Variants in CDCA7L observed in about 807,000 individuals in gnomAD.
The protein encoded by CDCA7L is cell division cycle associated 7 like, also known as cell division cycle-associated 7-like protein.
In CDCA7L, 44 loss-of-function variants were observed where a neutral mutation model predicts 57.4. That is an observed-to-expected ratio of 0.77 (90% CI 0.60 to 0.98). CDCA7L has a LOEUF of 0.98. CDCA7L is among the 50% of genes least tolerant of loss of function. The probability of loss-of-function intolerance (pLI) is 0.00; values close to 1 mark genes in which losing one functional copy is unlikely to be tolerated. For missense variants in CDCA7L, 644 were observed against 580.6 expected, an observed-to-expected ratio of 1.11 and a Z score of -1.12; for synonymous variants, 236 against 202.8, an observed-to-expected ratio of 1.16 and a Z score of -1.39.
intron 1 of CDCA7L, among the ~76,000 whole-genome samples, chr7:21,917,448 T>G (rs1785520109): frequency 6.6e-6 from 1 of 152,198 alleles, no homozygotes; most frequent in Non-Finnish European, 1.5e-5. Context: ...CAAATGCTAT[T>G]AGGGGATAAT....
intron 3 of CDCA7L, among the ~76,000 whole-genome samples, chr7:21,908,973 G>C (rs1269484580): frequency 6.6e-6 from 1 of 152,202 alleles, no homozygotes; most frequent in Non-Finnish European, 1.5e-5. Flanking sequence ...GGGCGGGAGA[G>C]CTGACTGCAC....
chr7:21,928,757 A>G (rs1785903759), intron 1 of CDCA7L, among the ~76,000 whole-genome samples: 1 of 151,986 alleles, frequency 6.6e-6, no homozygotes, highest in Non-Finnish European at 1.5e-5. Flanking sequence ...TTAGAGAAAA[A>G]AAGAGTGAAA....
Position 21,901,632 on chromosome 7 carries a change from A to G in CDCA7L, c.*690T>C, listed in dbSNP as rs564479595. The G allele has an allele frequency of 6.2e-6, 1 of 160,558 alleles. No individual in the cohort carries two copies. The highest frequency in any genetic ancestry group is 2.4e-5 in the African/African-American group (1 of 41,684). The allele number at this position is 160,558 out of a possible 1,614,324, so 9.9% of individuals were successfully genotyped here. A position where few individuals can be genotyped will look rare whatever the true frequency, so the allele number is the denominator to read the frequency against. On this transcript the variant is annotated 3_prime_UTR_variant, in exon 10 of 10. Coordinates refer to ENST00000406877, the MANE Select transcript of CDCA7L (RefSeq NM_018719.5). The stretch of plus-strand genomic sequence containing the variant: ...GAACATGCAAAAGCAATGCAGCCGG[A>G]AAGAACGGAGATTTTAATTTTTAAC...
chr7:21,908,629 CATATT>C, intron 3 of CDCA7L, 122 bp from the exon 4 acceptor site: 1 of 1,077,530 alleles, frequency 9.3e-7, no homozygotes, highest in South Asian at 2.1e-5. Context: ...GCTTCCCCTT[CATATT>C]ATGAGTTCCC....
intron 9 of CDCA7L, 100 bp downstream of exon 9, chr7:21,902,870 ATAAGTAAG>A: frequency 2.0e-6 from 2 of 1,003,228 alleles, no homozygotes; most frequent in Non-Finnish European, 3.0e-6. Context: ...CGTGGTTTAT[ATAAGTAAG>A]TAAGTCACAC....
At chr7:21,915,113 T>TA (rs1785438809) in intron 2 of CDCA7L, among the ~76,000 whole-genome samples, 1 of 151,960 alleles carries the variant, frequency 6.6e-6, no homozygotes, top group Non-Finnish European at 1.5e-5. Flanking sequence ...GGGTAAGAGC[T>TA]ACGAGGGCTA....
At chr7:21,920,400 A>G (rs1419461652) in intron 1 of CDCA7L, among the ~76,000 whole-genome samples, 1 of 152,140 alleles carries the variant, frequency 6.6e-6, no homozygotes, top group Non-Finnish European at 1.5e-5. Flanking sequence ...GTAATCCTTA[A>G]TCTATTTACT....
At chr7:21,934,455 A>C (rs1212487608) in intron 1 of CDCA7L, among the ~76,000 whole-genome samples, 1 of 152,202 alleles carries the variant, frequency 6.6e-6, no homozygotes, top group Non-Finnish European at 1.5e-5. Flanking sequence ...AAATGTGCCA[A>C]TACTAAGCAA....
chr7:21,904,738 A>G (rs1785083978), intron 7 of CDCA7L, among the ~76,000 whole-genome samples: 1 of 152,172 alleles, frequency 6.6e-6, no homozygotes, highest in South Asian at 2.1e-4. Flanking sequence ...CTGGTGCCAA[A>G]AAGGTTGGGG....
At chr7:21,916,591 C>T (rs1269196353) in intron 2 of CDCA7L, among the ~76,000 whole-genome samples, 163 bp downstream of exon 2, 1 of 150,820 alleles carries the variant, frequency 6.6e-6, no homozygotes, top group South Asian at 2.1e-4. Flanking sequence ...GGTTCTCTCA[C>T]CAGTTTTTTA....
rs1784900418 is a variant in CDCA7L at position 21,902,017 on chromosome 7, A to ACTTACTTACCTGAACTTT, written c.*287_*304dup. On this transcript the variant is annotated 3_prime_UTR_variant, in exon 10 of 10. Coordinates refer to ENST00000406877, the MANE Select transcript of CDCA7L (RefSeq NM_018719.5). Reference sequence around the variant, plus strand: ...CTGATCATACAATGTTTTCTCTCTAACTTACTTACCTGAACTTTAACCCCA... The same window carrying ACTTACTTACCTGAACTTT: ...CTGATCATACAATGTTTTCTCTCTAACTTACTTACCTGAACTTTCTTACTTACCTGAACTTTAACCCCA... The ACTTACTTACCTGAACTTT allele has an allele frequency of 1.0e-5, 4 of 385,022 alleles. No homozygotes were observed. Among genetic ancestry groups the ACTTACTTACCTGAACTTT allele is most frequent in the Non-Finnish European group, 9.6e-6 (2 of 208,736 alleles). The allele number at this position is 385,022 out of a possible 1,614,324, so 23.9% of individuals were successfully genotyped here.
chr7:21,916,611 G>T, intron 2 of CDCA7L, 143 bp downstream of exon 2: 1 of 702,444 alleles, frequency 1.4e-6, no homozygotes, highest in Admixed American at 2.5e-5. Flanking sequence ...AAAACAGGAA[G>T]ACACAGACAT....
At position 21,904,263 on chromosome 7, in the gene CDCA7L, CA is replaced by C. The variant is rs757113253; in HGVS notation, c.1048-5del. ...GACACTGATGGCACGTGTTACCCTA[CA>C]GGGGGAAGGCAGTGAGCAGGTGAAC... On this transcript the variant is annotated splice_polypyrimidine_tract_variant and splice_region_variant and intron_variant, in intron 7 of 9. Coordinates refer to ENST00000406877, the MANE Select transcript of CDCA7L (RefSeq NM_018719.5). 3.1e-6 allele frequency: 5 copies of C among 1,596,396 alleles called. No homozygotes were observed. In the East Asian group the frequency reaches 6.7e-5, roughly 21 times the overall value.
intron 1 of CDCA7L, among the ~76,000 whole-genome samples, chr7:21,929,142 G>T (rs998599682): frequency 1.3e-5 from 2 of 152,126 alleles, no homozygotes; most frequent in Non-Finnish European, 2.9e-5. Flanking sequence ...AGAGGGTGGG[G>T]TCAATATTCA....
chr7:21,911,006 A>ATTTTTTTTTTTTTTT (rs557286550), intron 3 of CDCA7L, among the ~76,000 whole-genome samples: 1 of 82,534 alleles, frequency 1.2e-5, no homozygotes, highest in African/African-American at 5.9e-5. Flanking sequence ...TCTTGAGATA[A>ATTTTTTTTTTTTTTT]TTTTTTTTTT....
intron 3 of CDCA7L, among the ~76,000 whole-genome samples, chr7:21,908,783 C>G (rs1027046777): frequency 2.6e-5 from 4 of 152,162 alleles, no homozygotes; most frequent in Non-Finnish European, 1.5e-5. Context: ...AAGCAAAACA[C>G]TGACAGGGTG....
chr7:21,915,249 G>A (rs1785442757), intron 2 of CDCA7L, among the ~76,000 whole-genome samples: 1 of 152,146 alleles, frequency 6.6e-6, no homozygotes, highest in Non-Finnish European at 1.5e-5. Flanking sequence ...TGGAAATCAA[G>A]ATGGGGAAAG....
At chr7:21,908,555 C>T in intron 3 of CDCA7L, 48 bp from the exon 4 acceptor site, 1 of 1,393,436 alleles carries the variant, frequency 7.2e-7, no homozygotes, top group Middle Eastern at 1.9e-4. Context: ...GTTACAGACC[C>T]ACAAAAAAGA....
At chr7:21,907,595 A>G (rs2128058208) in intron 4 of CDCA7L, among the ~76,000 whole-genome samples, 1 of 152,360 alleles carries the variant, frequency 6.6e-6, no homozygotes, top group South Asian at 2.1e-4. Context: ...GGTTCCATTC[A>G]TTGTTCTAAT....
Sources: allele counts gnomAD v4.1 joint callset (sites outside exome capture counted in the v4.1 genomes callset), GRCh38; gene constraint gnomAD v4.1.1; transcripts MANE v1.5; gene names NCBI Gene and HGNC (gene_info 2026-07-23, HGNC 2026-07-21).